Variants in MRPL48 observed in about 807,000 individuals in gnomAD.
The protein encoded by MRPL48 is large ribosomal subunit protein mL48.
Under a neutral mutation model 32.9 loss-of-function variants are expected in MRPL48, and 16 were observed. That is an observed-to-expected ratio of 0.49 (90% CI 0.33 to 0.74). The LOEUF is 0.74. Among genes scored for constraint, MRPL48 ranks in the 30% least tolerant of loss-of-function variants. The probability of loss-of-function intolerance (pLI) is 0.02; values close to 1 mark genes in which losing one functional copy is unlikely to be tolerated. For synonymous variants in MRPL48, 94 were observed against 89.2 expected, an observed-to-expected ratio of 1.05 and a Z score of -0.31; for missense variants, 206 against 245.3, an observed-to-expected ratio of 0.84 and a Z score of 1.07.
chr11:73,834,536 T>TG (rs892377628), intron 4 of MRPL48, among the ~76,000 whole-genome samples: 16 of 150,810 alleles, frequency 1.1e-4, no homozygotes, highest in East Asian at 5.8e-4. Context: ...TGGTTTTTTT[T>TG]TTTGTTTTTT....
chr11:73,804,002 C>T (rs899500082), intron 1 of MRPL48, among the ~76,000 whole-genome samples: 2 of 152,096 alleles, frequency 1.3e-5, no homozygotes, highest in African/African-American at 2.4e-5. Context: ...TCACTGCAAC[C>T]TCCGCCTCCT....
At chr11:73,817,470 A>T (rs1347384313) in intron 3 of MRPL48, among the ~76,000 whole-genome samples, 1 of 152,164 alleles carries the variant, frequency 6.6e-6, no homozygotes, top group Non-Finnish European at 1.5e-5. Context: ...ATACTTCTCT[A>T]TTTGAGAATC....
At position 73,789,168 on chromosome 11, in the gene MRPL48, G is replaced by GAA. The variant is rs34411590; in HGVS notation, c.21+1184_21+1185dup. Among the ~76,000 whole-genome samples, 933 of 151,606 alleles carry GAA rather than the reference G, an allele frequency of 6.2e-3. 11 individuals carry two copies. The highest frequency in any genetic ancestry group is 0.021 in the African/African-American group (885 of 41,300). Reference sequence around the variant, plus strand: ...GGCCAAATATGGTGCCAAGATAATAGAAAAAAAAATCAGAAAGTTTCAAAA... The same window carrying GAA: ...GGCCAAATATGGTGCCAAGATAATAGAAAAAAAAAAATCAGAAAGTTTCAAAA... On this transcript the variant is annotated intron_variant, in intron 1 of 7. Coordinates refer to ENST00000310614, the MANE Select transcript of MRPL48 (RefSeq NM_016055.6).
intron 5 of MRPL48, chr11:73,850,455 T>C (rs113542173): frequency 1.9e-5 from 6 of 318,730 alleles, no homozygotes; most frequent in African/African-American, 1.1e-4. Flanking sequence ...AAAAAATCTC[T>C]CTTTCTTTAT....
chr11:73,864,792 A>T lies in MRPL48; in HGVS notation c.*422A>T. The T allele has an allele frequency of 5.7e-6, 1 of 176,566 alleles. No individual in the cohort carries two copies. The highest frequency in any genetic ancestry group is 1.2e-5 in the Non-Finnish European group (1 of 82,966). 10.9% of individuals were successfully genotyped at this position (176,566 alleles called of 1,614,324 possible). On this transcript the variant is annotated 3_prime_UTR_variant, in exon 8 of 8. Coordinates refer to ENST00000310614, the MANE Select transcript of MRPL48 (RefSeq NM_016055.6). The stretch of plus-strand genomic sequence containing the variant: ...GCAACATTCTGTCTTTACCAAAAAC[A>T]TTCTTTTTTTTTTTTCCGAAACGGA...
chr11:73,829,894 A>G (rs1005710969), intron 4 of MRPL48, among the ~76,000 whole-genome samples: 1 of 152,016 alleles, frequency 6.6e-6, no homozygotes, highest in African/African-American at 2.4e-5. Context: ...CCTCCTGAGT[A>G]GCTAGGATTA....
At chr11:73,837,407 A>G (rs1353819908) in intron 4 of MRPL48, among the ~76,000 whole-genome samples, 1 of 150,612 alleles carries the variant, frequency 6.6e-6, no homozygotes, top group Non-Finnish European at 1.5e-5. Context: ...GGGGAAGGAG[A>G]GATTAAATTA....
chr11:73,807,175 A>G (rs1170704439), intron 2 of MRPL48, among the ~76,000 whole-genome samples: 3 of 151,868 alleles, frequency 2.0e-5, no homozygotes, highest in African/African-American at 7.3e-5. Flanking sequence ...CAGGCTCCCC[A>G]TTGTTTTTCT....
rs182993259 is a variant in MRPL48, at chr11:73,797,669, C to T, written c.22-7358C>T. On this transcript the variant is annotated intron_variant, in intron 1 of 7. Transcript: ENST00000310614. ...TGTCTGACTGTGCACATTGGCCAGA[C>T]CCCATGCTCACTCACATACCCCTCA... Among the ~76,000 whole-genome samples the T allele has an allele frequency of 1.3e-3, 195 of 152,350 alleles. 1 individual carries two copies. The highest frequency in any genetic ancestry group is 1.9e-3 in the Non-Finnish European group (127 of 68,034).
intron 4 of MRPL48, among the ~76,000 whole-genome samples, chr11:73,834,935 G>A (rs1002428385): frequency 2.0e-5 from 3 of 151,610 alleles, no homozygotes; most frequent in Non-Finnish European, 4.4e-5. Context: ...GAGTTTAAGC[G>A]ATCCCCCAGC....
At chr11:73,844,714 T>G (rs2135053734) in intron 4 of MRPL48, 93 bp from the exon 5 acceptor site, 1 of 1,389,118 alleles carries the variant, frequency 7.2e-7, no homozygotes, top group East Asian at 2.5e-5. Flanking sequence ...AACAAATTTA[T>G]TAGAAAGATT....
intron 2 of MRPL48, among the ~76,000 whole-genome samples, chr11:73,806,393 G>T (rs1226065395): frequency 1.3e-5 from 2 of 152,024 alleles, no homozygotes; most frequent in Non-Finnish European, 2.9e-5. Context: ...TATCCATATG[G>T]TTTGTCCTAT....
intron 5 of MRPL48, among the ~76,000 whole-genome samples, chr11:73,855,722 G>A (rs768889805): frequency 2.0e-5 from 3 of 152,120 alleles, no homozygotes; most frequent in Non-Finnish European, 4.4e-5. Flanking sequence ...TCCTGACCTC[G>A]TGATCCACCT....
In MRPL48 at chr11:73,825,791, G is replaced by C. The variant is rs112678863; in HGVS notation, c.196G>C (p.Glu66Gln). The change falls in exon 4 of 8, where the codon GAA becomes CAA. Residue 66 changes from glutamate to glutamine, a missense_variant. Glu to Gln is a conservative substitution (Grantham distance 29, BLOSUM62 2). Coordinates refer to ENST00000310614, the MANE Select transcript of MRPL48 (RefSeq NM_016055.6). ...IGKYKHLIKA[E>Q]EPKKKKGKVE... ...AAAGTACAAGCACTTAATTAAAGCAGAAGAGGTAACGGGCAGGGGGAGTCT... is the reference window on the plus strand; with the variant it reads ...AAAGTACAAGCACTTAATTAAAGCACAAGAGGTAACGGGCAGGGGGAGTCT... 7 of 1,562,128 alleles carry C rather than the reference G, an allele frequency of 4.5e-6. No homozygotes were observed. Among genetic ancestry groups the C allele is most frequent in the African/African-American group, 2.7e-5 (2 of 73,516 alleles).
intron 5 of MRPL48, among the ~76,000 whole-genome samples, chr11:73,858,010 A>C (rs992222631): frequency 3.3e-5 from 5 of 152,330 alleles, no homozygotes; most frequent in Middle Eastern, 3.4e-3. Flanking sequence ...AATAAAACCC[A>C]TTATTAGTGG....
chr11:73,807,935 G>A (rs751577042), intron 2 of MRPL48, among the ~76,000 whole-genome samples: 7 of 152,182 alleles, frequency 4.6e-5, no homozygotes, highest in African/African-American at 1.2e-4. Context: ...CGCTGCGCCC[G>A]GCCACTTCTT....
At chr11:73,788,472 CT>C (rs11352308) in intron 1 of MRPL48, among the ~76,000 whole-genome samples, 8,058 of 109,574 alleles carry the variant, frequency 0.074, 232 homozygotes, top group African/African-American at 0.15. Context: ...TCTTTTCTTT[CT>C]TTTTTTTTTT....
At position 73,787,905 on chromosome 11, in the gene MRPL48, C is replaced by T. The variant is rs985829925; in HGVS notation, c.-67C>T. 1.3e-5 allele frequency: 21 copies of T among 1,589,192 alleles called. No homozygotes were observed. The highest frequency in any genetic ancestry group is 2.3e-5 in the South Asian group (2 of 88,390). ...GCCGTTCCTTCAGTGTTTTCAGACGCCCTGGGAACGCGGCTGCAGGGTCCG... is the reference window on the plus strand; with the variant it reads ...GCCGTTCCTTCAGTGTTTTCAGACGTCCTGGGAACGCGGCTGCAGGGTCCG... On this transcript the variant is annotated 5_prime_UTR_variant, in exon 1 of 8. Coordinates refer to ENST00000310614, the MANE Select transcript of MRPL48 (RefSeq NM_016055.6).
chr11:73,829,499 G>C (rs904495593), intron 4 of MRPL48, among the ~76,000 whole-genome samples: 1 of 151,604 alleles, frequency 6.6e-6, no homozygotes, highest in Non-Finnish European at 1.5e-5. Context: ...TCAGTAGCTG[G>C]GACTACTTGG....
Sources: allele counts gnomAD v4.1 joint callset (sites outside exome capture counted in the v4.1 genomes callset), GRCh38; gene constraint gnomAD v4.1.1; transcripts MANE v1.5; gene names NCBI Gene and HGNC (gene_info 2026-07-23, HGNC 2026-07-21).